DNAH11: variants seen among roughly 807,000 people sequenced by gnomAD.
The protein encoded by DNAH11 is dynein axonemal heavy chain 11.
Under a neutral mutation model 526.0 loss-of-function variants are expected in DNAH11, and 442 were observed. The observed-to-expected ratio is 0.84, with a 90% CI of 0.78 to 0.91. The LOEUF (loss-of-function observed/expected upper bound fraction) is 0.91. DNAH11 is among the 40% of genes least tolerant of loss of function. The probability of loss-of-function intolerance (pLI) is 0.00; values close to 1 mark genes in which losing one functional copy is unlikely to be tolerated. For missense variants in DNAH11, 6,989 were observed against 5,448.7 expected (o/e 1.28, Z -8.90); for synonymous variants, 2,461 against 1,935.9 (o/e 1.27, Z -7.12).
chr7:21,733,331 T>C (rs553670254), intron 45 of DNAH11, among the ~76,000 whole-genome samples: 11 of 152,226 alleles, frequency 7.2e-5, no homozygotes, highest in African/African-American at 2.6e-4. Context: ...GAGTTTGCAG[T>C]GAGCTGAGAT....
chr7:21,871,165 T>A (rs556198090), intron 73 of DNAH11, among the ~76,000 whole-genome samples: 1 of 152,314 alleles, frequency 6.6e-6, no homozygotes, highest in East Asian at 1.9e-4. Context: ...AAAGCCCAAA[T>A]TCCAGAGAAA....
rs139038625 is a variant in DNAH11 at position 21,572,213 on chromosome 7, T to A, written c.1593+240T>A. ...TAAAACTGCAGACCTCAGTCTGGAT[T>A]TGTATCTTGTTTGTGTATGCTAAAC... On this transcript the variant is annotated intron_variant, in intron 8 of 81. Transcript: ENST00000409508. Among the ~76,000 whole-genome samples the A allele has an allele frequency of 3.3e-3, 508 of 152,312 alleles. 2 individuals carry two copies. Among genetic ancestry groups the A allele is most frequent in the Non-Finnish European group, 5.5e-3 (373 of 68,020 alleles).
At chr7:21,751,831 A>G (rs928255714) in intron 54 of DNAH11, among the ~76,000 whole-genome samples, 1 of 152,214 alleles carries the variant, frequency 6.6e-6, no homozygotes, top group African/African-American at 2.4e-5. Flanking sequence ...AAATAGGACT[A>G]AGAATACATT....
chr7:21,673,832 T>C (rs944289734), intron 30 of DNAH11, among the ~76,000 whole-genome samples: 2 of 152,206 alleles, frequency 1.3e-5, no homozygotes, highest in Admixed American at 6.5e-5. Flanking sequence ...TACCACTTGA[T>C]TGAGTCTATT....
At chr7:21,810,887 C>T (rs1217673385) in intron 63 of DNAH11, among the ~76,000 whole-genome samples, 1 of 152,078 alleles carries the variant, frequency 6.6e-6, no homozygotes, top group Non-Finnish European at 1.5e-5. Flanking sequence ...TTCCCAAAAC[C>T]TTAAACACAG....
chr7:21,742,116 A>T lies in DNAH11; in HGVS notation c.8104A>T (p.Ile2702Phe). 3 of 1,613,948 alleles carry T rather than the reference A, an allele frequency of 1.9e-6. No homozygotes were observed. The highest frequency in any genetic ancestry group is 2.5e-6 in the Non-Finnish European group (3 of 1,179,856). The change falls in exon 49 of 82, where the codon ATT (isoleucine) becomes TTT (phenylalanine). Residue 2702 changes from isoleucine to phenylalanine, a missense_variant. Coordinates refer to ENST00000409508, the MANE Select transcript of DNAH11 (RefSeq NM_001277115.2). The stretch of plus-strand genomic sequence containing the variant: ...GATGTGTAACTTTTTACCCACGGCT[A>T]TTAAATTCCACTACATCTTTAATCT... ...TMMCNFLPTA[I>F]KFHYIFNLRD... is the part of the protein sequence containing the mutation.
intron 75 of DNAH11, among the ~76,000 whole-genome samples, chr7:21,881,602 T>C (rs1257552202): frequency 6.6e-6 from 1 of 152,226 alleles, no homozygotes; most frequent in Non-Finnish European, 1.5e-5. Context: ...CTTTTTTCAT[T>C]AAGTTAAATC....
chr7:21,760,789 C>T (rs902949745), intron 54 of DNAH11, among the ~76,000 whole-genome samples: 3 of 152,168 alleles, frequency 2.0e-5, no homozygotes, highest in African/African-American at 7.2e-5. Flanking sequence ...CCATGAAATG[C>T]TGGTTAGCCA....
intron 75 of DNAH11, 124 bp from the exon 76 acceptor site, chr7:21,884,167 C>G: frequency 1.3e-6 from 1 of 781,156 alleles, no homozygotes; most frequent in East Asian, 3.2e-5. Flanking sequence ...TCTGAAGCAC[C>G]TTTAAATCCT....
intron 25 of DNAH11, among the ~76,000 whole-genome samples, chr7:21,626,745 C>CTTTT (rs34136253): frequency 7.5e-5 from 5 of 66,406 alleles, no homozygotes; most frequent in Non-Finnish European, 1.1e-4. Flanking sequence ...TTCTGTATGT[C>CTTTT]TTTTTTTTTT....
intron 30 of DNAH11, among the ~76,000 whole-genome samples, chr7:21,661,180 T>C (rs78698545): frequency 6.6e-6 from 1 of 152,060 alleles, no homozygotes; most frequent in Non-Finnish European, 1.5e-5. Flanking sequence ...CTTATTTTTT[T>C]AAAATTATCC....
chr7:21,719,489 T>C (rs6947530), intron 43 of DNAH11, among the ~76,000 whole-genome samples: 28,170 of 152,186 alleles, frequency 0.19, 3,842 homozygotes, highest in African/African-American at 0.35. Flanking sequence ...TAGCGTCACG[T>C]TGAGACCCTT....
intron 73 of DNAH11, among the ~76,000 whole-genome samples, chr7:21,869,914 TA>T (rs1202787222): frequency 6.6e-6 from 1 of 152,114 alleles, no homozygotes; most frequent in Non-Finnish European, 1.5e-5. Flanking sequence ...AGGCCAGCAT[TA>T]GGGGGCACCT....
chr7:21,816,841 T>G, intron 64 of DNAH11, 139 bp downstream of exon 64: 1 of 697,016 alleles, frequency 1.4e-6, no homozygotes, highest in Admixed American at 2.8e-5. Context: ...ATCTGCCTGT[T>G]CATGTTTCAT....
intron 30 of DNAH11, among the ~76,000 whole-genome samples, chr7:21,666,502 A>G (rs963604387): frequency 6.6e-6 from 1 of 152,062 alleles, no homozygotes; most frequent in Non-Finnish European, 1.5e-5. Context: ...AACTCATGAT[A>G]AATAATATAA....
chr7:21,807,388 A>G (rs1015833888), intron 62 of DNAH11, among the ~76,000 whole-genome samples: 1 of 152,228 alleles, frequency 6.6e-6, no homozygotes, highest in Non-Finnish European at 1.5e-5. Context: ...AGTCCCAGCT[A>G]CTTGAGAGGC....
chr7:21,728,234 A>ATTTT (rs1785217827), intron 45 of DNAH11, among the ~76,000 whole-genome samples: 1 of 106,822 alleles, frequency 9.4e-6, no homozygotes, highest in African/African-American at 4.1e-5. Context: ...ACAGCCCACA[A>ATTTT]TTCTTTTTTT....
intron 14 of DNAH11, among the ~76,000 whole-genome samples, chr7:21,596,257 T>A (rs1187175267): frequency 6.6e-6 from 1 of 152,190 alleles, no homozygotes; most frequent in Non-Finnish European, 1.5e-5. Context: ...TGAAAGAAGT[T>A]TATTCTCTCA....
At chr7:21,661,045 G>C (rs757426142) in intron 30 of DNAH11, among the ~76,000 whole-genome samples, 1 of 151,994 alleles carries the variant, frequency 6.6e-6, no homozygotes, top group Admixed American at 6.6e-5. Context: ...TTCTAGCAGC[G>C]ATGTTCCTCC....
Sources: gnomAD v4.1 joint callset for allele counts (sites outside exome capture counted in the v4.1 genomes callset) on GRCh38, gnomAD v4.1.1 for gene constraint, MANE v1.5 for transcripts, NCBI Gene and HGNC (gene_info 2026-07-23, HGNC 2026-07-21) for gene names.